The following CFTR variants were observed in gnomAD, a reference collection of about 807,000 sequenced individuals.
CFTR encodes CF transmembrane conductance regulator, also known as cystic fibrosis transmembrane conductance regulator.
Under a neutral mutation model 171.6 loss-of-function variants are expected in CFTR, and 181 were observed. The ratio of observed to expected loss-of-function variants is 1.05; its 90% confidence interval spans 0.93 to 1.19. The LOEUF (loss-of-function observed/expected upper bound fraction) is 1.19, where lower values mean the gene tolerates loss of function less well. CFTR is among the 50% of genes most tolerant of loss of function. CFTR has a pLI of 0.00. For missense variants in CFTR, 1,968 were observed against 1,734.7 expected, an observed-to-expected ratio of 1.13 and a Z score of -2.39; for synonymous variants, 583 against 608.0, an observed-to-expected ratio of 0.96 and a Z score of 0.60.
At chr7:117,555,522 C>T (rs1409573860) in intron 10 of CFTR, among the ~76,000 whole-genome samples, 1 of 152,170 alleles carries the variant, frequency 6.6e-6, no homozygotes, top group Non-Finnish European at 1.5e-5. Flanking sequence ...AAAAAGTGAT[C>T]TCTAGTGGTT....
Position 117,533,578 on chromosome 7 carries a change from T to C in CFTR, c.490-698T>C, listed in dbSNP as rs140852975. 3.7e-3 allele frequency among the ~76,000 whole-genome samples: 562 copies of C among 152,254 alleles called. 2 individuals are homozygous for C. The highest frequency in any genetic ancestry group is 6.8e-3 in the Middle Eastern group (2 of 294). On this transcript the variant is annotated intron_variant, in intron 4 of 26. Transcript: ENST00000003084. ...GGATTCACTTGAAACTAATATTAGA[T>C]AATTCCCAGTCAAAGTGATCTAATA...
intron 2 of CFTR, 38 bp from the exon 3 acceptor site, chr7:117,508,996 C>T (rs1369721162): frequency 1.6e-6 from 2 of 1,222,126 alleles, no homozygotes; most frequent in East Asian, 2.3e-5. Flanking sequence ...AATATTTGCA[C>T]ATGCAACTTA....
At chr7:117,525,306 G>C in intron 3 of CFTR, among the ~76,000 whole-genome samples, 1 of 150,592 alleles carries the variant, frequency 6.6e-6, no homozygotes, top group East Asian at 2.0e-4. Flanking sequence ...TTCCAACTAT[G>C]TGGTCAATTT....
intron 1 of CFTR, among the ~76,000 whole-genome samples, chr7:117,485,613 T>C (rs1399309833): frequency 1.3e-5 from 2 of 152,182 alleles, no homozygotes; most frequent in African/African-American, 4.8e-5. Flanking sequence ...AGGCTTCTTT[T>C]AGCAAGAAGC....
At chr7:117,649,600 A>T (rs1336196500) in intron 23 of CFTR, among the ~76,000 whole-genome samples, 1 of 150,698 alleles carries the variant, frequency 6.6e-6, no homozygotes, top group African/African-American at 2.4e-5. Context: ...CATGTGCTGA[A>T]CTCTGAGTTT....
Position 117,592,559 on chromosome 7 carries a change from C to G in CFTR, c.2392C>G (p.Pro798Ala). The change falls in exon 14 of 27, where the codon CCT becomes GCT. Residue 798 changes from proline (P) to alanine (A), a missense_variant. Transcript: ENST00000003084. ...ATCCACACGAAAAGTGTCACTGGCCCCTCAGGCAAACTTGACTGAACTGGA... is the reference window on the plus strand; with the variant it reads ...ATCCACACGAAAAGTGTCACTGGCCGCTCAGGCAAACTTGACTGAACTGGA... Reference protein sequence around the residue: ...TASTRKVSLAPQANLTELDIY... With the variant: ...TASTRKVSLAAQANLTELDIY... The G allele has an allele frequency of 6.6e-7, 1 of 1,520,774 alleles. No homozygotes were observed. The highest frequency in any genetic ancestry group is 8.8e-7 in the Non-Finnish European group (1 of 1,137,162). 94.2% of individuals were successfully genotyped at this position (1,520,774 alleles called of 1,614,324 possible). A position where few individuals can be genotyped will look rare whatever the true frequency, so the allele number is the denominator to read the frequency against.
chr7:117,523,658 T>A (rs556045579), intron 3 of CFTR, among the ~76,000 whole-genome samples: 19 of 152,320 alleles, frequency 1.2e-4, no homozygotes, highest in Non-Finnish European at 2.4e-4. Context: ...ATTACAGGCG[T>A]GAGCCACCGC....
At chr7:117,658,504 AT>A (rs1793215557) in intron 24 of CFTR, among the ~76,000 whole-genome samples, 1 of 151,984 alleles carries the variant, frequency 6.6e-6, no homozygotes, top group South Asian at 2.1e-4. Flanking sequence ...TAATATCTCT[AT>A]TTTGATGACC....
chr7:117,602,171 C>T (rs143174915), intron 15 of CFTR, among the ~76,000 whole-genome samples: 1,539 of 152,282 alleles, frequency 0.01, 32 homozygotes, highest in African/African-American at 0.033. Context: ...TAGTTGGGAT[C>T]ACAGGTGTAC....
chr7:117,562,147 G>GA (rs1375059284), intron 11 of CFTR, among the ~76,000 whole-genome samples: 1 of 152,142 alleles, frequency 6.6e-6, no homozygotes, highest in Non-Finnish European at 1.5e-5. Context: ...TTGAGGTAAA[G>GA]AAAACTGTTA....
rs1372627069 is a variant in CFTR at position 117,504,303 on chromosome 7, C to T, written c.104C>T (p.Ser35Leu). 8 of 1,613,012 alleles carry T rather than the reference C, an allele frequency of 5.0e-6. 1 individual carries two copies. In the Admixed American group the frequency reaches 1.3e-4, roughly 27 times the overall value. Residue 35 changes from serine (S) to leucine (L), a missense_variant, in exon 2 of 27, where the codon TCA (serine) becomes TTA (leucine). By Grantham distance (145) the Ser-to-Leu change is moderately radical (BLOSUM62 -2). Coordinates refer to ENST00000003084, the MANE Select transcript of CFTR (RefSeq NM_000492.4). ...GGATACAGACAGCGCCTGGAATTGT[C>T]AGACATATACCAAATCCCTTCTGTT... The part of the protein sequence containing the change: ...RKGYRQRLEL[S>L]DIYQIPSVDS...
intron 11 of CFTR, among the ~76,000 whole-genome samples, chr7:117,578,046 T>G (rs1397521404): frequency 6.6e-6 from 1 of 152,126 alleles, no homozygotes; most frequent in Non-Finnish European, 1.5e-5. Flanking sequence ...CATGCACATA[T>G]ACATATATAC....
intron 3 of CFTR, among the ~76,000 whole-genome samples, chr7:117,520,028 T>C (rs1798661812): frequency 6.6e-6 from 1 of 151,972 alleles, no homozygotes; most frequent in Admixed American, 6.6e-5. Flanking sequence ...TAAATAAAGT[T>C]TTAAAAATGC....
intron 22 of CFTR, among the ~76,000 whole-genome samples, chr7:117,634,872 G>A (rs1792802616): frequency 6.6e-6 from 1 of 152,034 alleles, no homozygotes; most frequent in African/African-American, 2.4e-5. Context: ...GGCCCAGAAT[G>A]TGGTCTATCT....
intron 10 of CFTR, among the ~76,000 whole-genome samples, chr7:117,556,922 A>G (rs1307214720): frequency 1.3e-5 from 2 of 152,172 alleles, no homozygotes; most frequent in African/African-American, 4.8e-5. Context: ...ATTAGCTTTT[A>G]GATTTACTTA....
chr7:117,614,083 C>T (rs759515356), intron 20 of CFTR, among the ~76,000 whole-genome samples: 1 of 145,436 alleles, frequency 6.9e-6, no homozygotes, highest in Non-Finnish European at 1.5e-5. Flanking sequence ...TCTGACTGTC[C>T]GGTGAAATTC....
Position 117,618,290 on chromosome 7 carries a change from A to G in CFTR, c.3468+3577A>G, listed in dbSNP as rs533691861. On this transcript the variant is annotated intron_variant, in intron 21 of 26. Transcript: ENST00000003084. ...AATTACTTGAGGTCGGGAGTTTGAGACCAGCCTGGCCAACGTGGTGAAACC... is the reference window on the plus strand; with the variant it reads ...AATTACTTGAGGTCGGGAGTTTGAGGCCAGCCTGGCCAACGTGGTGAAACC... Among the ~76,000 whole-genome samples the G allele has an allele frequency of 6.6e-5, 10 of 152,240 alleles. No individual in the cohort carries two copies. The East Asian group carries it at 1.9e-3, about 29-fold the overall frequency.
chr7:117,553,717 A>G (rs1169036163), intron 10 of CFTR, among the ~76,000 whole-genome samples: 1 of 152,238 alleles, frequency 6.6e-6, no homozygotes, highest in Non-Finnish European at 1.5e-5. Context: ...AAGTGATCCT[A>G]GAATCATAAT....
chr7:117,575,862 T>A (rs1400003474), intron 11 of CFTR, among the ~76,000 whole-genome samples: 2 of 152,178 alleles, frequency 1.3e-5, no homozygotes, highest in African/African-American at 4.8e-5. Flanking sequence ...AACACAGTTC[T>A]ATACATTGCA....
Sources: gnomAD v4.1 joint callset for allele counts (sites outside exome capture counted in the v4.1 genomes callset) on GRCh38, gnomAD v4.1.1 for gene constraint, MANE v1.5 for transcripts, NCBI Gene and HGNC (gene_info 2026-07-23, HGNC 2026-07-21) for gene names.